CNTNAP2: variants seen among roughly 807,000 people sequenced by gnomAD.
CNTNAP2 encodes the protein contactin-associated protein-like 2.
Under a neutral mutation model 155.2 loss-of-function variants are expected in CNTNAP2, and 98 were observed. The ratio of observed to expected loss-of-function variants is 0.63; its 90% CI spans 0.54 to 0.75. The LOEUF is 0.75. Ranked by LOEUF, CNTNAP2 falls within the 30% of genes least tolerant of loss-of-function variation. The pLI, the probability that CNTNAP2 is intolerant of heterozygous loss-of-function variation, is 0.00. For missense variants in CNTNAP2, 1,727 were observed against 1,688.1 expected, an observed-to-expected ratio of 1.02 and a Z score of -0.40; for synonymous variants, 651 against 631.2, an observed-to-expected ratio of 1.03 and a Z score of -0.47.
At chr7:148,301,306 AAT>A (rs1554414673) in intron 21 of CNTNAP2, among the ~76,000 whole-genome samples, 5 of 103,848 alleles carry the variant, frequency 4.8e-5, no homozygotes, top group African/African-American at 1.9e-4. Flanking sequence ...AAAAAAAAAA[AAT>A]ATATATATAT....
intron 2 of CNTNAP2, among the ~76,000 whole-genome samples, chr7:146,823,830 T>G (rs948726702): frequency 1.3e-5 from 2 of 152,032 alleles, no homozygotes; most frequent in Admixed American, 1.3e-4. Context: ...AATGTTGAGA[T>G]TTATAACTTG....
intron 13 of CNTNAP2, among the ~76,000 whole-genome samples, chr7:147,712,836 A>G (rs1221463455): frequency 2.6e-5 from 4 of 152,200 alleles, no homozygotes; most frequent in Non-Finnish European, 5.9e-5. Flanking sequence ...TGGCACATGT[A>G]TACATATGTA....
chr7:146,445,150 G>A (rs917377904), intron 1 of CNTNAP2, among the ~76,000 whole-genome samples: 8 of 152,130 alleles, frequency 5.3e-5, no homozygotes, highest in Non-Finnish European at 7.4e-5. Context: ...ATAAAACCAG[G>A]CTATGTTCAA....
In CNTNAP2 at chr7:146,781,480, CT is replaced by C. The variant is rs534016335; in HGVS notation, c.208+7100del. ...ATACCACAGCTTGCTCAGATAATCACTGTAGGCTGGTGTCATTTTCCACTTC... is the reference window on the plus strand; with the variant it reads ...ATACCACAGCTTGCTCAGATAATCACGTAGGCTGGTGTCATTTTCCACTTC... On this transcript the variant is annotated intron_variant, in intron 2 of 23. Transcript: ENST00000361727. 2.1e-3 allele frequency among the ~76,000 whole-genome samples: 326 copies of C among 152,208 alleles called. 2 individuals carry two copies. The highest frequency in any genetic ancestry group is 7.5e-3 in the African/African-American group (312 of 41,542).
chr7:148,400,270 T>TG (rs1175957209), intron 22 of CNTNAP2, among the ~76,000 whole-genome samples: 35 of 152,366 alleles, frequency 2.3e-4, no homozygotes, highest in Middle Eastern at 3.4e-3. Context: ...GGCACCCTGC[T>TG]GCCGCCACGC....
chr7:147,346,163 T>TGAGACAGAGTC (rs1795856765), intron 9 of CNTNAP2, among the ~76,000 whole-genome samples: 1 of 146,620 alleles, frequency 6.8e-6, no homozygotes, highest in African/African-American at 2.6e-5. Context: ...ATTTTTTTTT[T>TGAGACAGAGTC]TTGAGACAGA....
At chr7:147,534,712 T>C (rs954853743) in intron 11 of CNTNAP2, among the ~76,000 whole-genome samples, 1 of 152,188 alleles carries the variant, frequency 6.6e-6, no homozygotes, top group African/African-American at 2.4e-5. Flanking sequence ...AAAATTTCAA[T>C]GGGCAATAAA....
intron 13 of CNTNAP2, among the ~76,000 whole-genome samples, chr7:147,666,368 G>A (rs758562359): frequency 6.1e-4 from 93 of 152,244 alleles, no homozygotes; most frequent in Admixed American, 2.0e-4. Flanking sequence ...CCCAGCTGTC[G>A]TAGCTGTAGC....
chr7:146,190,861 A>G (rs1478458475), intron 1 of CNTNAP2, among the ~76,000 whole-genome samples: 1 of 152,188 alleles, frequency 6.6e-6, no homozygotes, highest in Admixed American at 6.5e-5. Flanking sequence ...GTCATTAAGA[A>G]CATGAAAAAT....
At chr7:146,195,714 A>G (rs1161443378) in intron 1 of CNTNAP2, among the ~76,000 whole-genome samples, 2 of 152,208 alleles carry the variant, frequency 1.3e-5, no homozygotes, top group African/African-American at 2.4e-5. Flanking sequence ...CAGCCAGCCC[A>G]GCAGATACTG....
At chr7:147,475,735 C>A (rs1479673732) in intron 10 of CNTNAP2, among the ~76,000 whole-genome samples, 1 of 152,046 alleles carries the variant, frequency 6.6e-6, no homozygotes, top group Non-Finnish European at 1.5e-5. Context: ...AGTATTCCAC[C>A]ATACCTTATT....
At chr7:147,878,703 G>T (rs1269693959) in intron 13 of CNTNAP2, among the ~76,000 whole-genome samples, 1 of 152,116 alleles carries the variant, frequency 6.6e-6, no homozygotes, top group African/African-American at 2.4e-5. Flanking sequence ...AAGTCACTCT[G>T]ATTTCATTCT....
intron 2 of CNTNAP2, among the ~76,000 whole-genome samples, chr7:146,800,090 A>T (rs1239529636): frequency 2.6e-5 from 4 of 152,188 alleles, no homozygotes; most frequent in Non-Finnish European, 4.4e-5. Context: ...CTAATATGAT[A>T]TATTCTTTTG....
At chr7:147,214,496 A>G (rs1803225014) in intron 8 of CNTNAP2, among the ~76,000 whole-genome samples, 1 of 152,166 alleles carries the variant, frequency 6.6e-6, no homozygotes, top group Non-Finnish European at 1.5e-5. Flanking sequence ...AAGTATATTG[A>G]ACAATGGCCT....
chr7:147,440,085 A>G (rs541393115), intron 10 of CNTNAP2, among the ~76,000 whole-genome samples: 7 of 152,062 alleles, frequency 4.6e-5, no homozygotes, highest in African/African-American at 1.7e-4. Flanking sequence ...GTAAGTAAAG[A>G]CTTACTCCTG....
At chr7:146,548,523 T>A (rs1394028910) in intron 1 of CNTNAP2, among the ~76,000 whole-genome samples, 2 of 152,036 alleles carry the variant, frequency 1.3e-5, no homozygotes, top group Admixed American at 6.6e-5. Flanking sequence ...TTTTTCATAA[T>A]CACCATCCTG....
At chr7:147,567,876 A>G (rs1040456000) in intron 12 of CNTNAP2, among the ~76,000 whole-genome samples, 2 of 152,206 alleles carry the variant, frequency 1.3e-5, no homozygotes, top group Admixed American at 6.5e-5. Context: ...ACCTGAGGTC[A>G]GGAGTTGGAG....
At chr7:146,433,957 T>C (rs534755071) in intron 1 of CNTNAP2, among the ~76,000 whole-genome samples, 7 of 152,290 alleles carry the variant, frequency 4.6e-5, no homozygotes, top group African/African-American at 1.2e-4. Context: ...ATTGGTTTGC[T>C]GGAAAGAAAA....
At chr7:148,075,867 T>C (rs558216543) in intron 15 of CNTNAP2, among the ~76,000 whole-genome samples, 1 of 152,178 alleles carries the variant, frequency 6.6e-6, no homozygotes. Context: ...TATTCAAATA[T>C]TGTTATCAAA....
Sources: gnomAD v4.1 joint callset for allele counts (sites outside exome capture counted in the v4.1 genomes callset) on GRCh38, gnomAD v4.1.1 for gene constraint, MANE v1.5 for transcripts, NCBI Gene and HGNC (gene_info 2026-07-23, HGNC 2026-07-21) for gene names.